The following CDH18 variants were observed in gnomAD, a reference collection of about 807,000 sequenced individuals.
CDH18 encodes the protein cadherin-18.
Under a neutral mutation model 67.9 loss-of-function variants are expected in CDH18, and 31 were observed. That is an observed-to-expected ratio of 0.46 (90% CI 0.34 to 0.62). The LOEUF (loss-of-function observed/expected upper bound fraction) is 0.62, where lower values mean the gene tolerates loss of function less well. Ranked by LOEUF, CDH18 falls within the 20% of genes least tolerant of loss-of-function variation. The probability of loss-of-function intolerance (pLI) is 0.01; values close to 1 mark genes in which losing one functional copy is unlikely to be tolerated. For missense variants in CDH18, 890 were observed against 975.5 expected (o/e 0.91, Z 1.17); for synonymous variants, 362 against 347.2 (o/e 1.04, Z -0.48).
At chr5:19,722,217 A>G (rs1298676569) in intron 4 of CDH18, among the ~76,000 whole-genome samples, 1 of 151,774 alleles carries the variant, frequency 6.6e-6, no homozygotes, top group African/African-American at 2.4e-5. Context: ...CCATGCCCAG[A>G]TAATTTTTGT....
chr5:19,854,148 T>TA (rs1404768811), intron 2 of CDH18, among the ~76,000 whole-genome samples: 1 of 152,080 alleles, frequency 6.6e-6, no homozygotes. Context: ...GAAGGGCTTT[T>TA]AAACATATTC....
intron 5 of CDH18, among the ~76,000 whole-genome samples, chr5:19,696,326 C>G (rs1027178423): frequency 6.6e-6 from 1 of 151,190 alleles, no homozygotes; most frequent in Admixed American, 6.6e-5. Context: ...TGATCTCTAT[C>G]AGGAGTTCAA....
intron 2 of CDH18, among the ~76,000 whole-genome samples, chr5:20,190,256 A>G (rs2126714728): frequency 6.6e-6 from 1 of 152,204 alleles, no homozygotes; most frequent in South Asian, 2.1e-4. Flanking sequence ...TGATTACTCT[A>G]CTATTCTTCA....
chr5:19,485,014 A>T (rs1472527196), intron 11 of CDH18, among the ~76,000 whole-genome samples: 1 of 152,172 alleles, frequency 6.6e-6, no homozygotes, highest in Non-Finnish European at 1.5e-5. Context: ...TATGTTTATA[A>T]CAGTCACAGT....
intron 2 of CDH18, among the ~76,000 whole-genome samples, chr5:19,964,724 T>A (rs1183858268): frequency 1.4e-5 from 2 of 145,052 alleles, no homozygotes; most frequent in African/African-American, 2.9e-5. Context: ...AACTATGTAT[T>A]TAGAACCTGA....
intron 7 of CDH18, among the ~76,000 whole-genome samples, chr5:19,589,991 A>G (rs1744828281): frequency 6.6e-6 from 1 of 152,104 alleles, no homozygotes; most frequent in Admixed American, 6.6e-5. Flanking sequence ...CATAGTAAAC[A>G]TATTATTGAT....
At chr5:19,845,804 GAT>G (rs1782872032) in intron 2 of CDH18, among the ~76,000 whole-genome samples, 1 of 151,458 alleles carries the variant, frequency 6.6e-6, no homozygotes, top group Admixed American at 6.6e-5. Context: ...TATTGTGTAT[GAT>G]ATAAGTATAG....
At chr5:19,936,550 C>T (rs28431855) in intron 2 of CDH18, among the ~76,000 whole-genome samples, 16,199 of 150,860 alleles carry the variant, frequency 0.11, 2,485 homozygotes, top group African/African-American at 0.34. Flanking sequence ...AATAGGTACT[C>T]TAAGGTTTTC....
intron 1 of CDH18, among the ~76,000 whole-genome samples, chr5:20,263,432 T>C (rs372197314): frequency 2.6e-5 from 4 of 152,298 alleles, no homozygotes; most frequent in African/African-American, 9.6e-5. Context: ...TTCAAACAAA[T>C]ATAAAATTTT....
At chr5:19,741,359 CACAT>C (rs1327375665) in intron 4 of CDH18, among the ~76,000 whole-genome samples, 71 of 126,438 alleles carry the variant, frequency 5.6e-4, no homozygotes, top group African/African-American at 1.8e-3. Flanking sequence ...CACACACACA[CACAT>C]ATATGACAGC....
chr5:20,094,898 A>T (rs1323568726), intron 2 of CDH18, among the ~76,000 whole-genome samples: 1 of 152,180 alleles, frequency 6.6e-6, no homozygotes, highest in Non-Finnish European at 1.5e-5. Flanking sequence ...AAAGACTTGG[A>T]ACCAACCAAA....
At chr5:20,122,720 T>C (rs992768482) in intron 2 of CDH18, among the ~76,000 whole-genome samples, 4 of 151,286 alleles carry the variant, frequency 2.6e-5, no homozygotes, top group Non-Finnish European at 3.0e-5. Context: ...ATATGAAGTA[T>C]ATACCAAGTA....
intron 1 of CDH18, among the ~76,000 whole-genome samples, chr5:20,313,903 G>A (rs923374977): frequency 2.0e-5 from 3 of 151,934 alleles, no homozygotes; most frequent in Non-Finnish European, 2.9e-5. Context: ...CAAAGAAGGC[G>A]ACCAACATGT....
At chr5:19,563,020 G>T (rs954388715) in intron 8 of CDH18, among the ~76,000 whole-genome samples, 4 of 152,134 alleles carry the variant, frequency 2.6e-5, no homozygotes, top group African/African-American at 4.8e-5. Context: ...AGACTTGCCA[G>T]TTAGCATCCC....
intron 1 of CDH18, among the ~76,000 whole-genome samples, chr5:20,307,763 T>C (rs746689415): frequency 7.3e-6 from 1 of 137,222 alleles, no homozygotes; most frequent in Non-Finnish European, 1.5e-5. Context: ...ATTGTGTGAT[T>C]ATTATTAAAA....
chr5:19,688,025 C>G (rs1428078523), intron 5 of CDH18, among the ~76,000 whole-genome samples: 1 of 152,172 alleles, frequency 6.6e-6, no homozygotes, highest in African/African-American at 2.4e-5. Context: ...GGCACCTGTA[C>G]ACTCTTTCTG....
In CDH18 at chr5:19,565,690, C is replaced by T. The variant is rs950655195; in HGVS notation, c.1253+5889G>A. On this transcript the variant is annotated intron_variant, in intron 8 of 12. Transcript: ENST00000382275. ...CCATATACACATAATTGAAACCAGACCCCCATCTCTAGCTATATGCAAAAA... is the reference window on the plus strand; with the variant it reads ...CCATATACACATAATTGAAACCAGATCCCCATCTCTAGCTATATGCAAAAA... 3.3e-5 allele frequency among the ~76,000 whole-genome samples: 5 copies of T among 152,178 alleles called. No homozygotes were observed. The East Asian group carries it at 9.6e-4, about 29-fold the overall frequency.
intron 1 of CDH18, among the ~76,000 whole-genome samples, chr5:20,565,312 G>C (rs1359983476): frequency 6.6e-6 from 1 of 152,026 alleles, no homozygotes; most frequent in Non-Finnish European, 1.5e-5. Context: ...TATATACTCA[G>C]TAAAATTTTA....
chr5:20,020,676 T>G (rs1738333955), intron 2 of CDH18, among the ~76,000 whole-genome samples: 1 of 152,114 alleles, frequency 6.6e-6, no homozygotes, highest in African/African-American at 2.4e-5. Context: ...GGTTGAGGCT[T>G]GGGAGTCTCT....
Sources: gnomAD v4.1 joint callset for allele counts (sites outside exome capture counted in the v4.1 genomes callset) on GRCh38, gnomAD v4.1.1 for gene constraint, MANE v1.5 for transcripts, NCBI Gene and HGNC (gene_info 2026-07-23, HGNC 2026-07-21) for gene names.